The following PLB1 variants were observed in gnomAD, a reference collection of about 807,000 sequenced individuals.
The protein encoded by PLB1 is phospholipase B1, membrane-associated.
Under a neutral mutation model 227.4 loss-of-function variants are expected in PLB1, and 242 were observed. The ratio of observed to expected loss-of-function variants is 1.06; its 90% CI spans 0.96 to 1.18. The LOEUF (loss-of-function observed/expected upper bound fraction) is 1.18. Ranked by LOEUF, PLB1 falls within the 50% of genes most tolerant of loss-of-function variation. The pLI is 0.00. For missense variants in PLB1, 1,858 were observed against 1,816.3 expected, an observed-to-expected ratio of 1.02 and a Z score of -0.42; for synonymous variants, 757 against 682.2, an observed-to-expected ratio of 1.11 and a Z score of -1.71.
chr2:28,504,514 A>G (rs914325175), intron 1 of PLB1, among the ~76,000 whole-genome samples: 8 of 152,242 alleles, frequency 5.3e-5, no homozygotes, highest in Admixed American at 2.0e-4. Context: ...AGGCTGAGGC[A>G]GGCAGATCAC....
chr2:28,568,474 T>C (rs1284816170), intron 20 of PLB1, among the ~76,000 whole-genome samples: 1 of 152,224 alleles, frequency 6.6e-6, no homozygotes, highest in Non-Finnish European at 1.5e-5. Flanking sequence ...GTGAAGACTA[T>C]TTGATTATAG....
chr2:28,630,718 C>A, intron 54 of PLB1, 54 bp downstream of exon 54: 1 of 1,446,890 alleles, frequency 6.9e-7, no homozygotes. Flanking sequence ...CCCTGTACTC[C>A]AAGGACTGGG....
At chr2:28,577,412 C>G (rs1679153881) in intron 21 of PLB1, among the ~76,000 whole-genome samples, 1 of 152,232 alleles carries the variant, frequency 6.6e-6, no homozygotes, top group African/African-American at 2.4e-5. Flanking sequence ...AGGGCTTAGG[C>G]CATGGCACCT....
intron 26 of PLB1, among the ~76,000 whole-genome samples, chr2:28,586,768 G>A (rs1372027052): frequency 2.0e-5 from 3 of 152,194 alleles, no homozygotes; most frequent in South Asian, 4.1e-4. Flanking sequence ...ATCTATTTGA[G>A]ACAGGGTCTC....
intron 14 of PLB1, among the ~76,000 whole-genome samples, chr2:28,546,502 G>A (rs1462274454): frequency 6.6e-6 from 1 of 152,218 alleles, no homozygotes; most frequent in African/African-American, 2.4e-5. Context: ...GAGATGTGCA[G>A]AGTGGGGTGG....
intron 2 of PLB1, among the ~76,000 whole-genome samples, chr2:28,517,182 G>A (rs1240147758): frequency 6.6e-6 from 1 of 152,208 alleles, no homozygotes; most frequent in South Asian, 2.1e-4. Context: ...AGGAATCTGG[G>A]TGAGGTCTTC....
intron 50 of PLB1, 71 bp downstream of exon 50, chr2:28,625,179 T>G: frequency 7.1e-7 from 1 of 1,398,900 alleles, no homozygotes; most frequent in Non-Finnish European, 1.0e-6. Flanking sequence ...GACAGCCCCA[T>G]AAGGGTCCCT....
At chr2:28,621,093 T>C (rs1686993171) in intron 49 of PLB1, 115 bp downstream of exon 49, 1 of 784,354 alleles carries the variant, frequency 1.3e-6, no homozygotes, top group South Asian at 1.7e-5. Context: ...CAATAGCAGC[T>C]GTGCAGGACT....
intron 56 of PLB1, among the ~76,000 whole-genome samples, chr2:28,635,215 C>A (rs1689156704): frequency 1.3e-5 from 2 of 152,172 alleles, no homozygotes; most frequent in Admixed American, 6.5e-5. Context: ...AATAATTATA[C>A]AGTCTAATGT....
intron 50 of PLB1, 51 bp from the exon 51 acceptor site, chr2:28,626,377 T>A (rs1175861525): frequency 6.6e-7 from 1 of 1,519,264 alleles, no homozygotes; most frequent in Admixed American, 1.7e-5. Flanking sequence ...GTAGCAACAT[T>A]TGTATGTGCC....
intron 16 of PLB1, among the ~76,000 whole-genome samples, chr2:28,550,965 C>T (rs563570191): frequency 1.4e-4 from 22 of 152,292 alleles, no homozygotes; most frequent in African/African-American, 4.8e-4. Flanking sequence ...TGTGGCCATC[C>T]CCTGGGTGCC....
At chr2:28,619,710 A>G (rs1359563484) in intron 46 of PLB1, among the ~76,000 whole-genome samples, 1 of 152,102 alleles carries the variant, frequency 6.6e-6, no homozygotes, top group African/African-American at 2.4e-5. Context: ...CAGGCTTCCA[A>G]AATAATGGCA....
At chr2:28,579,814 C>T in intron 23 of PLB1, 107 bp downstream of exon 23, 1 of 941,736 alleles carries the variant, frequency 1.1e-6, no homozygotes, top group Non-Finnish European at 1.7e-6. Flanking sequence ...GACTCAGGCT[C>T]ATGGTTTGTC....
intron 56 of PLB1, among the ~76,000 whole-genome samples, chr2:28,637,277 G>A (rs1023734113): frequency 1.5e-5 from 2 of 136,944 alleles, no homozygotes; most frequent in Admixed American, 7.6e-5. Context: ...TGGGTGACAA[G>A]AGTAAAACTC....
chr2:28,552,815 T>C lies in PLB1; in HGVS notation c.1084-113T>C, dbSNP rs947979103. 5 of 839,580 alleles carry C rather than the reference T, an allele frequency of 6.0e-6. No individual in the cohort carries two copies. In the African/African-American group the frequency reaches 6.8e-5, roughly 11 times the overall value. 52.0% of individuals were successfully genotyped at this position (839,580 alleles called of 1,614,324 possible). Reference sequence around the variant, plus strand: ...GGAGAGGGAGAAATCTTAAATGACATCAAAGTTTTACTTTATCTTAAATGA... The same window carrying C: ...GGAGAGGGAGAAATCTTAAATGACACCAAAGTTTTACTTTATCTTAAATGA... On this transcript the variant is annotated intron_variant, in intron 16 of 57. Transcript: ENST00000327757.
intron 4 of PLB1, among the ~76,000 whole-genome samples, chr2:28,520,261 C>T (rs1308294288): frequency 6.6e-6 from 1 of 151,830 alleles, no homozygotes; most frequent in East Asian, 1.9e-4. Flanking sequence ...CAAATGAATG[C>T]CTCTCTTTAC....
At chr2:28,572,148 C>T (rs1318358287) in intron 20 of PLB1, among the ~76,000 whole-genome samples, 2 of 152,156 alleles carry the variant, frequency 1.3e-5, no homozygotes, top group Non-Finnish European at 2.9e-5. Flanking sequence ...GACTAGTAAG[C>T]ACTTGAAAAT....
intron 42 of PLB1, 58 bp downstream of exon 42, chr2:28,606,006 GC>G (rs1684625432): frequency 7.2e-7 from 1 of 1,384,264 alleles, no homozygotes; most frequent in Non-Finnish European, 1.0e-6. Flanking sequence ...CAGGGCACCA[GC>G]CCCTATAGAA....
chr2:28,585,556 C>T (rs769542560), intron 25 of PLB1: 22 of 511,002 alleles, frequency 4.3e-5, no homozygotes, highest in East Asian at 1.8e-4. Context: ...GCATTACAGG[C>T]GTGAGCCACC....
Sources: gnomAD v4.1 joint callset for allele counts (sites outside exome capture counted in the v4.1 genomes callset) on GRCh38, gnomAD v4.1.1 for gene constraint, MANE v1.5 for transcripts, NCBI Gene and HGNC (gene_info 2026-07-23, HGNC 2026-07-21) for gene names.